TCF12: variants seen among roughly 807,000 people sequenced by gnomAD.
TCF12 encodes the protein DNA-binding protein HTF4.
Under a neutral mutation model 86.0 loss-of-function variants are expected in TCF12, and 45 were observed. That is an observed-to-expected ratio of 0.52 (90% confidence interval 0.41 to 0.67). The LOEUF is 0.67. TCF12 is among the 30% of genes least tolerant of loss of function. The probability of loss-of-function intolerance (pLI) is 0.00; values close to 1 mark genes in which losing one functional copy is unlikely to be tolerated. For missense variants in TCF12, 881 were observed against 859.9 expected (o/e 1.02, Z -0.31); for synonymous variants, 330 against 299.6 (o/e 1.10, Z -1.05).
chr15:57,114,457 AT>A (rs1381492035), intron 5 of TCF12, among the ~76,000 whole-genome samples: 1 of 152,002 alleles, frequency 6.6e-6, no homozygotes, highest in South Asian at 2.1e-4. Flanking sequence ...CACCTAGCTA[AT>A]TTTTTTATTT....
chr15:57,058,646 A>G (rs2068213629), intron 3 of TCF12, among the ~76,000 whole-genome samples: 1 of 152,204 alleles, frequency 6.6e-6, no homozygotes, highest in African/African-American at 2.4e-5. Flanking sequence ...TTTATAAGTA[A>G]AAAAGTCTAT....
rs200302099 is a variant in TCF12, at chr15:57,004,237, C to CT, written c.149-59500dup. Among the ~76,000 whole-genome samples the CT allele has an allele frequency of 3.1e-3, 440 of 144,260 alleles. 4 individuals carry two copies. Among genetic ancestry groups the CT allele is most frequent in the African/African-American group, 7.5e-3 (296 of 39,460 alleles). 94.6% of individuals were successfully genotyped at this position (144,260 alleles called of 152,430 possible). On this transcript the variant is annotated intron_variant, in intron 3 of 20. Transcript: ENST00000333725. Reference sequence around the variant, plus strand: ...TTAACATTTGTTCATTTCTTTCTTTCTTTTTTTTTTTTTGAGATGGAGTTT... The same window carrying CT: ...TTAACATTTGTTCATTTCTTTCTTTCTTTTTTTTTTTTTTGAGATGGAGTTT...
At chr15:57,183,448 T>C (rs958151526) in intron 6 of TCF12, among the ~76,000 whole-genome samples, 2 of 152,166 alleles carry the variant, frequency 1.3e-5, no homozygotes, top group Admixed American at 6.5e-5. Flanking sequence ...CTGTCAATCC[T>C]CTCTAGGGAT....
chr15:57,094,015 A>G (rs2049158831), intron 5 of TCF12, among the ~76,000 whole-genome samples: 1 of 152,154 alleles, frequency 6.6e-6, no homozygotes, highest in Admixed American at 6.5e-5. Flanking sequence ...TCCTGAGCTC[A>G]AGCTGTCCTC....
At chr15:57,188,794 T>G (rs1480146232) in intron 6 of TCF12, among the ~76,000 whole-genome samples, 5 of 152,202 alleles carry the variant, frequency 3.3e-5, no homozygotes, top group Non-Finnish European at 7.3e-5. Flanking sequence ...ATTATAATAA[T>G]TATCATTATT....
intron 5 of TCF12, among the ~76,000 whole-genome samples, chr15:57,157,988 T>C (rs2054233139): frequency 6.6e-6 from 1 of 152,070 alleles, no homozygotes; most frequent in African/African-American, 2.4e-5. Flanking sequence ...TGCATTTTAA[T>C]GTTCTCTTCT....
At chr15:57,048,355 A>G (rs2067375165) in intron 3 of TCF12, among the ~76,000 whole-genome samples, 1 of 152,002 alleles carries the variant, frequency 6.6e-6, no homozygotes, top group South Asian at 2.1e-4. Context: ...TCCGCCTCCC[A>G]GGTTCACGCC....
At chr15:57,131,111 A>G (rs2052081285) in intron 5 of TCF12, among the ~76,000 whole-genome samples, 1 of 152,192 alleles carries the variant, frequency 6.6e-6, no homozygotes, top group South Asian at 2.1e-4. Context: ...TTTGGGGGCA[A>G]AAGGTTCAAA....
chr15:56,934,665 T>C lies in TCF12; in HGVS notation c.148+13567T>C, dbSNP rs143963103. Among the ~76,000 whole-genome samples the C allele has an allele frequency of 2.2e-3, 330 of 152,324 alleles. 2 individuals are homozygous for C. The highest frequency in any genetic ancestry group is 7.4e-3 in the African/African-American group (309 of 41,576). Reference sequence around the variant, plus strand: ...TATTGGGAAATATTGGGATTTTACATGACTTCCTAAGTATCTTATGCGATT... The same window carrying C: ...TATTGGGAAATATTGGGATTTTACACGACTTCCTAAGTATCTTATGCGATT... On this transcript the variant is annotated intron_variant, in intron 3 of 20. Transcript: ENST00000333725.
At position 57,262,140 on chromosome 15, in the gene TCF12, C is replaced by T; in HGVS notation, c.1514C>T (p.Ser505Leu). The T allele has an allele frequency of 6.2e-7, 1 of 1,613,604 alleles. No individual in the cohort carries two copies. Among genetic ancestry groups the T allele is most frequent in the Non-Finnish European group, 8.5e-7 (1 of 1,179,684 alleles). Residue 505 changes from serine (S) to leucine (L), a missense_variant, in exon 17 of 21, where the codon TCA (serine) becomes TTA (leucine). Around this residue, in one of 3 missense-constraint regions of TCF12, gnomAD observed 766 missense variants for 718.9 expected, o/e 1.07. Transcript: ENST00000333725. Reference sequence around the variant, plus strand: ...TCTGTCAGTCTCAATGGCAATCATTCAGTCCTGTCTAGTACAGTCACTACT... The same window carrying T: ...TCTGTCAGTCTCAATGGCAATCATTTAGTCCTGTCTAGTACAGTCACTACT... ...EDSVSLNGNHSVLSSTVTTSS... is the reference protein window; with the variant it reads ...EDSVSLNGNHLVLSSTVTTSS...
intron 5 of TCF12, among the ~76,000 whole-genome samples, chr15:57,107,570 T>TG (rs1304932400): frequency 6.6e-6 from 1 of 151,876 alleles, no homozygotes; most frequent in Non-Finnish European, 1.5e-5. Context: ...ACTATGAACT[T>TG]GGGGGGATAA....
intron 5 of TCF12, among the ~76,000 whole-genome samples, chr15:57,146,361 C>A (rs2053362878): frequency 6.6e-6 from 1 of 152,058 alleles, no homozygotes; most frequent in Non-Finnish European, 1.5e-5. Flanking sequence ...AATGAAATTA[C>A]TAGATATACA....
chr15:56,991,262 C>A (rs995318064), intron 3 of TCF12, among the ~76,000 whole-genome samples: 1 of 152,178 alleles, frequency 6.6e-6, no homozygotes, highest in African/African-American at 2.4e-5. Flanking sequence ...GCATCCAATT[C>A]TCTCCTGATT....
intron 3 of TCF12, among the ~76,000 whole-genome samples, chr15:57,054,219 A>G (rs1235655420): frequency 6.6e-6 from 1 of 152,220 alleles, no homozygotes; most frequent in Non-Finnish European, 1.5e-5. Context: ...GGAAATGAAT[A>G]GAATTGTTTG....
At chr15:56,993,087 T>C (rs1458571385) in intron 3 of TCF12, among the ~76,000 whole-genome samples, 11 of 152,104 alleles carry the variant, frequency 7.2e-5, no homozygotes, top group African/African-American at 2.7e-4. Context: ...GGCTGTGAGT[T>C]TACCATTTTT....
chr15:56,952,184 G>GTATA (rs151264562), intron 3 of TCF12, among the ~76,000 whole-genome samples: 4 of 40,676 alleles, frequency 9.8e-5, no homozygotes, highest in African/African-American at 2.0e-4. Context: ...GCTTTTTTGT[G>GTATA]TATATACACA....
At chr15:57,115,092 T>G (rs192641116) in intron 5 of TCF12, among the ~76,000 whole-genome samples, 2 of 152,232 alleles carry the variant, frequency 1.3e-5, no homozygotes, top group Non-Finnish European at 2.9e-5. Flanking sequence ...ATTTGTTCTC[T>G]TTCTGTAGTT....
chr15:57,188,772 A>G (rs2056821377), intron 6 of TCF12, among the ~76,000 whole-genome samples: 1 of 152,178 alleles, frequency 6.6e-6, no homozygotes, highest in African/African-American at 2.4e-5. Flanking sequence ...CTTCATCACA[A>G]CATATACAGA....
At chr15:56,938,787 C>G (rs753771428) in intron 3 of TCF12, among the ~76,000 whole-genome samples, 1 of 151,912 alleles carries the variant, frequency 6.6e-6, no homozygotes. Flanking sequence ...CCATCACATT[C>G]AGGGTTAAAG....
Sources: allele counts gnomAD v4.1 joint callset (sites outside exome capture counted in the v4.1 genomes callset), GRCh38; gene constraint gnomAD v4.1.1; regional missense constraint gnomAD v4.1.1; transcripts MANE v1.5; gene names NCBI Gene and HGNC (gene_info 2026-07-23, HGNC 2026-07-21).